EYS: variants seen among roughly 807,000 people sequenced by gnomAD.
EYS encodes the protein EGF-like photoreceptor maintenance factor.
In EYS, 250 loss-of-function variants were observed where a neutral mutation model predicts 282.1. The observed-to-expected ratio is 0.89, with a 90% CI of 0.80 to 0.98. EYS has a LOEUF of 0.98. Ranked by LOEUF, EYS falls within the 50% of genes least tolerant of loss-of-function variation. The pLI, the probability that EYS is intolerant of heterozygous loss-of-function variation, is 0.00. For synonymous variants in EYS, 1,355 were observed against 1,282.9 expected (o/e 1.06, Z -1.20); for missense variants, 4,016 against 3,709.0 (o/e 1.08, Z -2.15).
chr6:64,668,219 A>G (rs1261679962), intron 22 of EYS, among the ~76,000 whole-genome samples: 3 of 152,214 alleles, frequency 2.0e-5, no homozygotes, highest in Non-Finnish European at 4.4e-5. Flanking sequence ...TTTCATGCTA[A>G]AAGGACTAAC....
chr6:64,940,341 C>T (rs115931659), intron 15 of EYS, among the ~76,000 whole-genome samples: 2,368 of 151,814 alleles, frequency 0.016, 60 homozygotes, highest in African/African-American at 0.054. Flanking sequence ...CATACAGAAA[C>T]GCATATACAA....
chr6:63,720,511 A>G lies in EYS; in HGVS notation c.*85T>C. 1.0e-6 allele frequency: 1 copy of G among 977,846 alleles called. No individual in the cohort carries two copies. Among genetic ancestry groups the G allele is most frequent in the South Asian group, 2.0e-5 (1 of 50,138 alleles). 60.6% of individuals were successfully genotyped at this position (977,846 alleles called of 1,614,324 possible). A position where few individuals can be genotyped will look rare whatever the true frequency, so the allele number is the denominator to read the frequency against. On this transcript the variant is annotated 3_prime_UTR_variant, in exon 43 of 43. Transcript: ENST00000503581. The stretch of plus-strand genomic sequence containing the variant: ...TTTCAGGTAATATAGTAAACAGTTG[A>G]TTCCCCGTAAGCAATGTATCAAAGA...
rs1014843963 is a variant in EYS, at chr6:65,495,303, G to A, written c.108C>T (p.Pro36=). ...GTGTCCAATTTACCACATATGATGA[G>A]GGTTGTGGATGCCATTCTTCCACCA... The part of the protein sequence containing the change: ...RQLVEEWHPQ[P]SSYVVNWTLT... The change falls in exon 4 of 43, where the codon CCC becomes CCT. Residue 36 remains proline, a synonymous_variant. Coordinates refer to ENST00000503581, the MANE Select transcript of EYS (RefSeq NM_001142800.2). 2.5e-6 allele frequency: 4 copies of A among 1,614,044 alleles called. No individual in the cohort carries two copies. Among genetic ancestry groups the A allele is most frequent in the Non-Finnish European group, 3.4e-6 (4 of 1,180,012 alleles).
intron 31 of EYS, among the ~76,000 whole-genome samples, chr6:64,205,723 T>A (rs551673965): frequency 1.3e-5 from 2 of 151,986 alleles, no homozygotes; most frequent in African/African-American, 4.8e-5. Flanking sequence ...CCCTTGATGG[T>A]GAAACGCTGA....
intron 22 of EYS, among the ~76,000 whole-genome samples, chr6:64,781,576 C>CAA (rs5876923): frequency 7.8e-4 from 68 of 87,678 alleles, no homozygotes; most frequent in African/African-American, 2.7e-3. Flanking sequence ...GACTCCGTCT[C>CAA]AAAAAAAAAA....
chr6:63,887,445 A>C (rs920169570), intron 35 of EYS, among the ~76,000 whole-genome samples: 1 of 150,458 alleles, frequency 6.6e-6, no homozygotes, highest in African/African-American at 2.4e-5. Flanking sequence ...CTGCATTTCC[A>C]ACTGAGGTAA....
intron 10 of EYS, among the ~76,000 whole-genome samples, chr6:65,343,234 C>T (rs1770263982): frequency 6.6e-6 from 1 of 150,994 alleles, no homozygotes; most frequent in Non-Finnish European, 1.5e-5. Context: ...AAGGTTGACT[C>T]AATATAAATT....
chr6:64,033,836 C>A lies in EYS; in HGVS notation c.6725+32502G>T, dbSNP rs1385109292. Among the ~76,000 whole-genome samples, 1,315 of 148,342 alleles carry A rather than the reference C, an allele frequency of 8.9e-3. 17 individuals are homozygous for A. The highest frequency in any genetic ancestry group is 0.031 in the East Asian group (157 of 5,132). Reference sequence around the variant, plus strand: ...TGACACAAATGAGATTACTCTCTCTCTCTCTCTCTCTATATATATATATAT... The same window carrying A: ...TGACACAAATGAGATTACTCTCTCTATCTCTCTCTCTATATATATATATAT... On this transcript the variant is annotated intron_variant, in intron 33 of 42. Transcript: ENST00000503581.
At chr6:65,619,410 T>C (rs1473789899) in intron 2 of EYS, among the ~76,000 whole-genome samples, 1 of 152,234 alleles carries the variant, frequency 6.6e-6, no homozygotes, top group African/African-American at 2.4e-5. Flanking sequence ...TCTTGTATCC[T>C]GAGACTTTGC....
chr6:63,917,161 C>T lies in EYS; in HGVS notation c.7056-52803G>A, dbSNP rs146838881. Among the ~76,000 whole-genome samples the T allele has an allele frequency of 7.8e-3, 1,194 of 152,310 alleles. 7 individuals carry two copies. Among genetic ancestry groups the T allele is most frequent in the Middle Eastern group, 0.024 (7 of 294 alleles). ...GTGTGCATGTGTACACGTGCACGCG[C>T]GTGCATGTGCACATGTATGTGTTTA... On this transcript the variant is annotated intron_variant, in intron 35 of 42. Transcript: ENST00000503581.
In EYS at chr6:65,079,879, C is replaced by G. The variant is rs142461628; in HGVS notation, c.2024-22152G>C. ...ACCTCCCTTATTGTTTCTCAACAAC[C>G]AGAAAATTTGATGGGGCTTGAAAGA... On this transcript the variant is annotated intron_variant, in intron 12 of 42. Coordinates refer to ENST00000503581, the MANE Select transcript of EYS (RefSeq NM_001142800.2). 3.4e-4 allele frequency among the ~76,000 whole-genome samples: 52 copies of G among 152,092 alleles called. 1 individual carries two copies. The East Asian group carries it at 9.9e-3, about 29-fold the overall frequency.
chr6:64,578,765 C>T (rs894017578), intron 26 of EYS, among the ~76,000 whole-genome samples: 1 of 151,968 alleles, frequency 6.6e-6, no homozygotes, highest in African/African-American at 2.4e-5. Context: ...GGTGTATTCA[C>T]AATAAAATAT....
intron 22 of EYS, among the ~76,000 whole-genome samples, chr6:64,650,466 A>C (rs1348057339): frequency 1.3e-5 from 2 of 152,066 alleles, no homozygotes; most frequent in Admixed American, 6.5e-5. Flanking sequence ...AATAACATTA[A>C]TTACATGAAA....
intron 2 of EYS, among the ~76,000 whole-genome samples, chr6:65,520,719 A>C (rs982456288): frequency 1.3e-5 from 2 of 151,958 alleles, no homozygotes; most frequent in African/African-American, 4.8e-5. Context: ...CTATTGACTG[A>C]TAATTGTGAG....
At chr6:64,402,658 C>G (rs1477678280) in intron 28 of EYS, among the ~76,000 whole-genome samples, 1 of 152,192 alleles carries the variant, frequency 6.6e-6, no homozygotes, top group African/African-American at 2.4e-5. Context: ...GATTTCCTAA[C>G]ATTGACAGGC....
chr6:65,370,039 G>A (rs554148782), intron 8 of EYS, among the ~76,000 whole-genome samples: 4 of 151,686 alleles, frequency 2.6e-5, no homozygotes, highest in African/African-American at 7.2e-5. Flanking sequence ...AGATTAAAAT[G>A]TAATTGGTAA....
chr6:63,918,142 A>G (rs1764473506), intron 35 of EYS, among the ~76,000 whole-genome samples: 1 of 152,264 alleles, frequency 6.6e-6, no homozygotes. Flanking sequence ...AAAAGATTGC[A>G]TAAATAATAC....
intron 15 of EYS, among the ~76,000 whole-genome samples, chr6:64,921,313 T>G (rs2150081804): frequency 6.6e-6 from 1 of 152,278 alleles, no homozygotes; most frequent in African/African-American, 2.4e-5. Flanking sequence ...ACCCATTATT[T>G]TATTAAAATT....
chr6:64,526,613 G>GT (rs1777928585), intron 26 of EYS, among the ~76,000 whole-genome samples: 2 of 151,514 alleles, frequency 1.3e-5, no homozygotes, highest in Non-Finnish European at 3.0e-5. Flanking sequence ...TTTAAATTTT[G>GT]TTTTCTGAAT....
Sources: gnomAD v4.1 joint callset for allele counts (sites outside exome capture counted in the v4.1 genomes callset) on GRCh38, gnomAD v4.1.1 for gene constraint, MANE v1.5 for transcripts, NCBI Gene and HGNC (gene_info 2026-07-23, HGNC 2026-07-21) for gene names.